GPC6: variants seen among roughly 807,000 people sequenced by gnomAD.
The protein encoded by GPC6 is glypican 6, also known as glypican-6.
GPC6 carries 14 observed loss-of-function variants against 55.2 expected under a neutral mutation model. The ratio of observed to expected loss-of-function variants is 0.25; its 90% CI spans 0.17 to 0.40. The LOEUF (loss-of-function observed/expected upper bound fraction) is 0.40, where lower values mean the gene tolerates loss of function less well. Among genes scored for constraint, GPC6 ranks in the 10% least tolerant of loss-of-function variants. The pLI is 1.00. For missense variants in GPC6, 641 were observed against 708.5 expected, an observed-to-expected ratio of 0.90 and a Z score of 1.08; for synonymous variants, 278 against 259.6, an observed-to-expected ratio of 1.07 and a Z score of -0.68.
intron 1 of GPC6, among the ~76,000 whole-genome samples, chr13:93,294,857 C>T (rs1354731270): frequency 6.6e-6 from 1 of 152,034 alleles, no homozygotes; most frequent in Admixed American, 6.5e-5. Flanking sequence ...TCTGCTTGGA[C>T]ATACATCAGC....
intron 4 of GPC6, among the ~76,000 whole-genome samples, chr13:94,167,544 A>G (rs925009248): frequency 6.6e-6 from 1 of 152,214 alleles, no homozygotes; most frequent in African/African-American, 2.4e-5. Flanking sequence ...ACATTACAGC[A>G]AGGAGAATGA....
At chr13:93,480,114 CT>C (rs1477116447) in intron 1 of GPC6, among the ~76,000 whole-genome samples, 2 of 152,162 alleles carry the variant, frequency 1.3e-5, no homozygotes, top group Non-Finnish European at 2.9e-5. Flanking sequence ...AGCAGTGTTA[CT>C]TTAATTCCCA....
At chr13:93,321,336 C>T (rs1879429637) in intron 1 of GPC6, among the ~76,000 whole-genome samples, 1 of 152,102 alleles carries the variant, frequency 6.6e-6, no homozygotes, top group Non-Finnish European at 1.5e-5. Context: ...TTCTTCCCTT[C>T]CCTCCCCTCC....
intron 2 of GPC6, among the ~76,000 whole-genome samples, chr13:93,667,555 C>G (rs1183905647): frequency 2.0e-5 from 3 of 151,802 alleles, no homozygotes; most frequent in African/African-American, 7.3e-5. Context: ...GCCTTAGCCT[C>G]TCGAGTAGCT....
chr13:94,270,638 A>G (rs118072350), intron 4 of GPC6, among the ~76,000 whole-genome samples: 1,552 of 152,356 alleles, frequency 0.01, 18 homozygotes, highest in Non-Finnish European at 0.011. Flanking sequence ...ACACATACAA[A>G]GAAAACATTT....
At chr13:93,826,533 G>A (rs1158619162) in intron 2 of GPC6, among the ~76,000 whole-genome samples, 1 of 152,038 alleles carries the variant, frequency 6.6e-6, no homozygotes, top group East Asian at 1.9e-4. Context: ...AAAAAAAATA[G>A]GAAAAGGATG....
rs1209070084 is a variant in GPC6, at chr13:94,315,353, T to C, written c.1152+9230T>C. Reference sequence around the variant, plus strand: ...GTTTATTTCTTGTATGTGCCAAGTGTTCATTATGCATTGGCTGTGAGTCAG... The same window carrying C: ...GTTTATTTCTTGTATGTGCCAAGTGCTCATTATGCATTGGCTGTGAGTCAG... On this transcript the variant is annotated intron_variant, in intron 6 of 8. Coordinates refer to ENST00000377047, the MANE Select transcript of GPC6 (RefSeq NM_005708.5). Among the ~76,000 whole-genome samples, 4 of 152,216 alleles carry C rather than the reference T, an allele frequency of 2.6e-5. No homozygotes were observed. In the East Asian group the frequency reaches 7.7e-4, roughly 29 times the overall value.
At chr13:94,036,199 G>A (rs942227901) in intron 4 of GPC6, among the ~76,000 whole-genome samples, 1 of 151,926 alleles carries the variant, frequency 6.6e-6, no homozygotes, top group Non-Finnish European at 1.5e-5. Flanking sequence ...TAAAAATATC[G>A]TGTCCATAGA....
chr13:93,383,839 TTA>T (rs1307380532), intron 1 of GPC6, among the ~76,000 whole-genome samples: 5 of 152,138 alleles, frequency 3.3e-5, no homozygotes, highest in African/African-American at 1.2e-4. Context: ...TGCTAAATGT[TTA>T]TGTTTTCACT....
At chr13:93,456,218 G>C (rs1162835685) in intron 1 of GPC6, among the ~76,000 whole-genome samples, 4 of 152,050 alleles carry the variant, frequency 2.6e-5, no homozygotes, top group Admixed American at 2.6e-4. Context: ...AAAAGCTTCA[G>C]CATTCATAAT....
At chr13:93,839,434 T>C (rs1887870751) in intron 3 of GPC6, among the ~76,000 whole-genome samples, 1 of 152,136 alleles carries the variant, frequency 6.6e-6, no homozygotes, top group East Asian at 1.9e-4. Flanking sequence ...GGCATATTAG[T>C]TGTACTCAAT....
chr13:93,391,228 G>A (rs899593550), intron 1 of GPC6, among the ~76,000 whole-genome samples: 1 of 152,020 alleles, frequency 6.6e-6, no homozygotes, highest in African/African-American at 2.4e-5. Flanking sequence ...TTTAGAAAAC[G>A]ATTATCCTCT....
At chr13:93,301,586 T>G (rs961263317) in intron 1 of GPC6, among the ~76,000 whole-genome samples, 3 of 152,222 alleles carry the variant, frequency 2.0e-5, no homozygotes, top group African/African-American at 7.2e-5. Flanking sequence ...AGGAGACTGT[T>G]GCTCCTTCTA....
intron 4 of GPC6, among the ~76,000 whole-genome samples, chr13:94,195,152 C>G (rs1275122457): frequency 1.3e-5 from 2 of 152,150 alleles, no homozygotes; most frequent in Non-Finnish European, 1.5e-5. Flanking sequence ...GTCCCCATGT[C>G]CAGTTACAAG....
intron 1 of GPC6, among the ~76,000 whole-genome samples, chr13:93,289,906 C>T (rs918146477): frequency 2.6e-4 from 40 of 152,134 alleles, no homozygotes; most frequent in Non-Finnish European, 1.2e-4. Flanking sequence ...AAAAATAGCT[C>T]CTCTTTTGAA....
chr13:93,475,701 A>C (rs1280279839), intron 1 of GPC6, among the ~76,000 whole-genome samples: 4 of 152,236 alleles, frequency 2.6e-5, no homozygotes, highest in South Asian at 2.1e-4. Context: ...AGGAAAATAC[A>C]GTCATTAAAA....
chr13:93,308,049 C>T (rs1878932161), intron 1 of GPC6, among the ~76,000 whole-genome samples: 1 of 152,122 alleles, frequency 6.6e-6, no homozygotes, highest in South Asian at 2.1e-4. Flanking sequence ...CTTTGGGAGG[C>T]CGAGGTGGGC....
At chr13:94,317,049 C>T (rs1019869819) in intron 6 of GPC6, among the ~76,000 whole-genome samples, 17 of 152,204 alleles carry the variant, frequency 1.1e-4, no homozygotes, top group African/African-American at 4.1e-4. Flanking sequence ...CGAAGGAGAA[C>T]ACTTTTTACA....
At chr13:94,086,174 GA>G in intron 4 of GPC6, among the ~76,000 whole-genome samples, 1 of 151,920 alleles carries the variant, frequency 6.6e-6, no homozygotes, top group African/African-American at 2.4e-5. Flanking sequence ...TATTTTATTG[GA>G]AAAAAAGGTT....
Sources: allele counts gnomAD v4.1 joint callset (sites outside exome capture counted in the v4.1 genomes callset), GRCh38; gene constraint gnomAD v4.1.1; transcripts MANE v1.5; gene names NCBI Gene and HGNC (gene_info 2026-07-23, HGNC 2026-07-21).